The following PPARGC1A variants were observed in gnomAD, a reference collection of about 807,000 sequenced individuals.
PPARGC1A encodes the protein PPARG coactivator 1 alpha, also known as peroxisome proliferator-activated receptor gamma coactivator 1-alpha.
PPARGC1A carries 25 observed loss-of-function variants against 88.7 expected under a neutral mutation model. The observed-to-expected ratio is 0.28, with a 90% CI of 0.21 to 0.39. The LOEUF (loss-of-function observed/expected upper bound fraction) is 0.39, where lower values mean the gene tolerates loss of function less well. PPARGC1A is among the 10% of genes least tolerant of loss of function. The pLI, the probability that PPARGC1A is intolerant of heterozygous loss-of-function variation, is 1.00. For missense variants in PPARGC1A, 880 were observed against 968.7 expected, an observed-to-expected ratio of 0.91 and a Z score of 1.22; for synonymous variants, 363 against 355.6, an observed-to-expected ratio of 1.02 and a Z score of -0.24.
chr4:24,414,955 C>T, the PPARGC1A span, among the ~76,000 whole-genome samples: 132 of 152,062 alleles, frequency 8.7e-4, no homozygotes, highest in African/African-American at 3.0e-3. Context: ...TTTGGGAGGC[C>T]GAGGCAGGTG....
intron 7 of PPARGC1A, among the ~76,000 whole-genome samples, chr4:23,823,999 T>C (rs547193833): frequency 1.4e-4 from 22 of 152,232 alleles, no homozygotes; most frequent in Non-Finnish European, 2.9e-4. Flanking sequence ...TTCAAGTACC[T>C]AAACTTAAAG....
chr4:23,846,376 G>T (rs538730878), intron 2 of PPARGC1A, among the ~76,000 whole-genome samples: 4 of 152,072 alleles, frequency 2.6e-5, no homozygotes, highest in Non-Finnish European at 5.9e-5. Flanking sequence ...ATCTGTTTTG[G>T]AACTATTGGC....
chr4:24,325,209 G>A, the PPARGC1A span, among the ~76,000 whole-genome samples: 1 of 152,184 alleles, frequency 6.6e-6, no homozygotes, highest in South Asian at 2.1e-4. Context: ...GACCCTAAAA[G>A]GTCAAAAGGC....
the PPARGC1A span, among the ~76,000 whole-genome samples, chr4:23,937,040 A>C: frequency 2.6e-5 from 4 of 152,182 alleles, no homozygotes; most frequent in African/African-American, 9.6e-5. Context: ...AGAAGACCAG[A>C]GACCAGGAGG....
chr4:24,470,379 G>A, the PPARGC1A span, among the ~76,000 whole-genome samples: 1 of 151,820 alleles, frequency 6.6e-6, no homozygotes, highest in Non-Finnish European at 1.5e-5. This position sits in a 1 kb window ranked among gnomAD's most constrained non-coding sequence, Gnocchi z 5.8. Flanking sequence ...TGGAGTTTGC[G>A]GAGCCGGAGT....
At chr4:24,181,345 A>G in the PPARGC1A span, among the ~76,000 whole-genome samples, 3 of 152,156 alleles carry the variant, frequency 2.0e-5, no homozygotes, top group African/African-American at 7.2e-5. Flanking sequence ...TATTTCCCTC[A>G]TATTATTAGT....
the PPARGC1A span, among the ~76,000 whole-genome samples, chr4:24,020,788 C>T: frequency 1.3e-5 from 2 of 152,164 alleles, no homozygotes; most frequent in African/African-American, 4.8e-5. Flanking sequence ...CCTCCATGAG[C>T]ACAGGGGCAT....
At chr4:24,276,023 A>G in the PPARGC1A span, among the ~76,000 whole-genome samples, 4 of 152,234 alleles carry the variant, frequency 2.6e-5, no homozygotes, top group Admixed American at 6.5e-5. Flanking sequence ...AAGCATAAAT[A>G]TAAAAACACT....
At chr4:24,382,313 A>C in the PPARGC1A span, among the ~76,000 whole-genome samples, 1 of 152,222 alleles carries the variant, frequency 6.6e-6, no homozygotes, top group African/African-American at 2.4e-5. Flanking sequence ...AAAAACTCTT[A>C]AAGATAACTC....
At chr4:24,126,297 A>ACACACACACACC in the PPARGC1A span, among the ~76,000 whole-genome samples, 1 of 151,934 alleles carries the variant, frequency 6.6e-6, no homozygotes, top group Non-Finnish European at 1.5e-5. Flanking sequence ...ACACACACAC[A>ACACACACACACC]CACACAGTCA....
At chr4:24,164,215 A>G in the PPARGC1A span, among the ~76,000 whole-genome samples, 1 of 152,220 alleles carries the variant, frequency 6.6e-6, no homozygotes, top group African/African-American at 2.4e-5. Flanking sequence ...TGCAGAAAGA[A>G]AGGAAGTTGA....
At chr4:24,190,329 C>T in the PPARGC1A span, among the ~76,000 whole-genome samples, 1 of 152,094 alleles carries the variant, frequency 6.6e-6, no homozygotes, top group Admixed American at 6.5e-5. Flanking sequence ...TCCTGGCTAA[C>T]ACGGTGAAAC....
the PPARGC1A span, among the ~76,000 whole-genome samples, chr4:24,218,877 T>C: frequency 1.3e-5 from 2 of 152,258 alleles, no homozygotes; most frequent in African/African-American, 4.8e-5. Flanking sequence ...TTGCTTTTTT[T>C]CATCTCCAGT....
the PPARGC1A span, among the ~76,000 whole-genome samples, chr4:24,081,713 G>A: frequency 2.6e-5 from 4 of 151,898 alleles, no homozygotes; most frequent in South Asian, 2.1e-4. Context: ...CAATTGATTC[G>A]CACTAATGAG....
At chr4:24,137,643 GC>G in the PPARGC1A span, among the ~76,000 whole-genome samples, 1 of 151,968 alleles carries the variant, frequency 6.6e-6, no homozygotes, top group African/African-American at 2.4e-5. Context: ...GGTCCATACT[GC>G]CCCCCACAAG....
chr4:23,895,123 T>C (rs1427535727), intron 1 of PPARGC1A, among the ~76,000 whole-genome samples: 3 of 138,508 alleles, frequency 2.2e-5, no homozygotes, highest in African/African-American at 8.2e-5. Context: ...ACTTAGTAAG[T>C]GCCAGGGAAA....
the PPARGC1A span, among the ~76,000 whole-genome samples, chr4:24,339,881 G>A: frequency 6.6e-6 from 1 of 151,990 alleles, no homozygotes; most frequent in African/African-American, 2.4e-5. Flanking sequence ...TGGGACTACA[G>A]GCGCCCACCA....
chr4:24,276,259 G>A, the PPARGC1A span, among the ~76,000 whole-genome samples: 3 of 152,256 alleles, frequency 2.0e-5, no homozygotes, highest in Non-Finnish European at 4.4e-5. Context: ...TATAGCTTGG[G>A]GAGGAGCTCA....
chr4:24,175,848 C>T, the PPARGC1A span, among the ~76,000 whole-genome samples: 1 of 152,080 alleles, frequency 6.6e-6, no homozygotes, highest in Middle Eastern at 3.2e-3. Flanking sequence ...TCCAGAATCT[C>T]GTTTATTTCA....
Sources: allele counts gnomAD v4.1 joint callset (sites outside exome capture counted in the v4.1 genomes callset), GRCh38; gene constraint gnomAD v4.1.1; non-coding constraint Gnocchi (gnomAD v3.1); transcripts MANE v1.5; gene names NCBI Gene and HGNC (gene_info 2026-07-23, HGNC 2026-07-21).